ANKRD11: variants seen among roughly 807,000 people sequenced by gnomAD.
ANKRD11 encodes the protein ankyrin repeat domain-containing protein 11.
A neutral mutation model predicts 195.7 loss-of-function variants in ANKRD11; 17 were observed. The ratio of observed to expected loss-of-function variants is 0.09; its 90% CI spans 0.06 to 0.13. ANKRD11 has a LOEUF of 0.13. ANKRD11 is among the 10% of genes least tolerant of loss of function. The pLI is 1.00. For synonymous variants in ANKRD11, 1,953 were observed against 1,528.1 expected, an observed-to-expected ratio of 1.28 and a Z score of -6.49; for missense variants, 3,735 against 3,566.1, an observed-to-expected ratio of 1.05 and a Z score of -1.21.
In ANKRD11 at chr16:89,279,174, G is replaced by A. The variant is rs139103143; in HGVS notation, c.7368C>T (p.Cys2456=). 2.0e-4 allele frequency: 325 copies of A among 1,613,052 alleles called. 5 individuals are homozygous for A. The South Asian group carries it at 3.2e-3, about 16-fold the overall frequency. Residue 2456 remains cysteine (C), a synonymous_variant, in exon 9 of 13, where the codon TGC becomes TGT. Coordinates refer to ENST00000301030, the MANE Select transcript of ANKRD11 (RefSeq NM_013275.6). This position sits in a 1 kb window ranked among gnomAD's most constrained non-coding sequence, Gnocchi z 5.6. ...ACTGGGGCGCCTGCGGCGTGATACA[G>A]CACAGGATCTTGCGCTTCTCCTCGA... ...KKIEEKRKIL[C]CITPQAPQCY...
chr16:89,315,878 C>G (rs903395042), intron 3 of ANKRD11, among the ~76,000 whole-genome samples: 1 of 152,172 alleles, frequency 6.6e-6, no homozygotes, highest in African/African-American at 2.4e-5. Context: ...CACACCAAAC[C>G]CACAACATGA....
At chr16:89,475,796 T>C (rs1288532569) in intron 1 of ANKRD11, among the ~76,000 whole-genome samples, 1 of 152,098 alleles carries the variant, frequency 6.6e-6, no homozygotes, top group Non-Finnish European at 1.5e-5. Flanking sequence ...ACACCTGGAA[T>C]CCCAGCATTT....
chr16:89,413,874 TG>T (rs1226585651), intron 2 of ANKRD11, among the ~76,000 whole-genome samples: 1 of 152,018 alleles, frequency 6.6e-6, no homozygotes, highest in African/African-American at 2.4e-5. Context: ...AAGGCCAGAC[TG>T]GGGGGAGGCA....
At chr16:89,341,770 A>G (rs1597714301) in intron 2 of ANKRD11, among the ~76,000 whole-genome samples, 1 of 152,294 alleles carries the variant, frequency 6.6e-6, no homozygotes, top group East Asian at 1.9e-4. Flanking sequence ...AACGTGCACA[A>G]ACAAAAAGTG....
chr16:89,331,433 AG>A (rs1301107937), intron 2 of ANKRD11, among the ~76,000 whole-genome samples: 15 of 152,330 alleles, frequency 9.8e-5, no homozygotes, highest in Admixed American at 9.8e-4. Flanking sequence ...AAAAGAACAA[AG>A]GGAGAATTTA....
chr16:89,462,908 G>GC (rs1026956283), intron 1 of ANKRD11, among the ~76,000 whole-genome samples: 2 of 151,460 alleles, frequency 1.3e-5, no homozygotes, highest in African/African-American at 2.4e-5. Flanking sequence ...GAGGGGGTCA[G>GC]CCCCCCGCCC....
At chr16:89,477,697 G>T (rs2057304668) in intron 1 of ANKRD11, among the ~76,000 whole-genome samples, 1 of 151,730 alleles carries the variant, frequency 6.6e-6, no homozygotes, top group Admixed American at 6.6e-5. Context: ...GAGAGGCCGG[G>T]CGCGGTGGCT....
intron 1 of ANKRD11, among the ~76,000 whole-genome samples, chr16:89,432,266 CACACACACACA>C (rs1242241383): frequency 1.1e-3 from 171 of 151,888 alleles, no homozygotes; most frequent in African/African-American, 4.0e-3. Flanking sequence ...CACACACACA[CACACACACACA>C]CCCCTGGAAA....
intron 2 of ANKRD11, among the ~76,000 whole-genome samples, chr16:89,411,934 CAG>C (rs2042125548): frequency 6.7e-6 from 1 of 149,500 alleles, no homozygotes; most frequent in African/African-American, 2.5e-5. Flanking sequence ...AGATGCCTCC[CAG>C]AGTCTCCTGG....
In ANKRD11 at chr16:89,283,910, A is replaced by G. The variant is rs373074600; in HGVS notation, c.2632T>C (p.Leu878=). ...MKSDSVAKLI[L]ETVKEDSKER... ...TTGCTGTCCTCCTTCACCGTCTCCAAGATGAGCTTGGCCACAGAGTCGCTC... is the reference window on the plus strand; with the variant it reads ...TTGCTGTCCTCCTTCACCGTCTCCAGGATGAGCTTGGCCACAGAGTCGCTC... The change falls in exon 9 of 13, where the codon TTG becomes CTG. Residue 878 remains leucine, a synonymous_variant. Transcript: ENST00000301030. This position sits in a 1 kb window ranked among gnomAD's most constrained non-coding sequence, Gnocchi z 4.3. The G allele has an allele frequency of 3.1e-6, 5 of 1,614,152 alleles. No individual in the cohort carries two copies. The highest frequency in any genetic ancestry group is 4.2e-6 in the Non-Finnish European group (5 of 1,180,036).
intron 2 of ANKRD11, chr16:89,361,481 T>C (rs1310154852): frequency 6.6e-6 from 1 of 152,396 alleles, no homozygotes; most frequent in Non-Finnish European, 1.5e-5. Flanking sequence ...CACCTGTTTA[T>C]GTTCCATACT....
intron 1 of ANKRD11, among the ~76,000 whole-genome samples, chr16:89,484,581 C>T (rs982349691): frequency 3.3e-5 from 5 of 152,004 alleles, no homozygotes; most frequent in African/African-American, 1.2e-4. Flanking sequence ...CATAGGGAGT[C>T]GAGGAAGGGC....
intron 1 of ANKRD11, among the ~76,000 whole-genome samples, chr16:89,439,498 G>A (rs190589999): frequency 8.5e-4 from 130 of 152,284 alleles, no homozygotes; most frequent in African/African-American, 3.0e-3. Flanking sequence ...AAAAACAAGT[G>A]TCAAAGTTCT....
chr16:89,270,497 G>C (rs927877501), intron 12 of ANKRD11: 1 of 422,594 alleles, frequency 2.4e-6, no homozygotes, highest in African/African-American at 2.0e-5. Context: ...AGTGGAGGGT[G>C]AATGCTGGGA....
At chr16:89,440,029 G>A (rs1032609720) in intron 1 of ANKRD11, among the ~76,000 whole-genome samples, 1 of 152,146 alleles carries the variant, frequency 6.6e-6, no homozygotes, top group Non-Finnish European at 1.5e-5. Flanking sequence ...CTCTTATGAG[G>A]AAGCTGACAA....
intron 3 of ANKRD11, among the ~76,000 whole-genome samples, chr16:89,306,977 G>A (rs1284205374): frequency 6.6e-6 from 1 of 152,034 alleles, no homozygotes; most frequent in Non-Finnish European, 1.5e-5. Flanking sequence ...CGTGGGGAGG[G>A]GGACGGTGCG....
chr16:89,324,594 G>A (rs1423086898), intron 2 of ANKRD11: 1 of 445,708 alleles, frequency 2.2e-6, no homozygotes, highest in South Asian at 1.6e-5. Context: ...GATCTCATCA[G>A]CTGCCAGCAC....
At position 89,288,513 on chromosome 16, in the gene ANKRD11, C is replaced by CG; in HGVS notation, c.744+14dup. 1 of 1,613,984 alleles carries CG rather than the reference C, an allele frequency of 6.2e-7. No individual in the cohort carries two copies. The highest frequency in any genetic ancestry group is 8.5e-7 in the Non-Finnish European group (1 of 1,180,014). On this transcript the variant is annotated intron_variant, in intron 7 of 12. Coordinates refer to ENST00000301030, the MANE Select transcript of ANKRD11 (RefSeq NM_013275.6). ...CAGGACAGGCCGGATGTGTGAAGAACGGGGGGATGCCAACCTTGTAGTGCC... is the reference window on the plus strand; with the variant it reads ...CAGGACAGGCCGGATGTGTGAAGAACGGGGGGGATGCCAACCTTGTAGTGCC...
intron 1 of ANKRD11, among the ~76,000 whole-genome samples, chr16:89,430,399 C>A (rs1277898330): frequency 1.6e-4 from 24 of 149,014 alleles, no homozygotes; most frequent in Non-Finnish European, 4.5e-5. Flanking sequence ...GGACTCTCAA[C>A]TCTCACGCTC....
Sources: gnomAD v4.1 joint callset for allele counts (sites outside exome capture counted in the v4.1 genomes callset) on GRCh38, gnomAD v4.1.1 for gene constraint, Gnocchi (gnomAD v3.1) non-coding constraint, MANE v1.5 for transcripts, NCBI Gene and HGNC (gene_info 2026-07-23, HGNC 2026-07-21) for gene names.